Variants in POC1B observed in about 807,000 individuals in gnomAD.
The protein encoded by POC1B is POC1 centriolar protein B.
Under a neutral mutation model 60.6 loss-of-function variants are expected in POC1B, and 44 were observed. The ratio of observed to expected loss-of-function variants is 0.73; its 90% CI spans 0.57 to 0.93. The LOEUF is 0.93. POC1B is among the 40% of genes least tolerant of loss of function. The pLI, the probability that POC1B is intolerant of heterozygous loss-of-function variation, is 0.00. For missense variants in POC1B, 555 were observed against 572.3 expected, an observed-to-expected ratio of 0.97 and a Z score of 0.31; for synonymous variants, 180 against 198.9, an observed-to-expected ratio of 0.90 and a Z score of 0.80.
downstream of POC1B, among the ~76,000 whole-genome samples, chr12:89,415,143 CT>C (rs1188227371): frequency 1.3e-5 from 2 of 152,140 alleles, no homozygotes; most frequent in African/African-American, 4.8e-5. Context: ...TTGGCCAGAA[CT>C]TTGAGGTTTT....
At chr12:89,481,587 A>C (rs1364298736) in intron 4 of POC1B, among the ~76,000 whole-genome samples, 1 of 152,250 alleles carries the variant, frequency 6.6e-6, no homozygotes, top group Non-Finnish European at 1.5e-5. Flanking sequence ...AAGACAGGGT[A>C]CAAGAGAAGA....
chr12:89,485,954 AC>A (rs1868613419), intron 4 of POC1B, among the ~76,000 whole-genome samples: 1 of 152,050 alleles, frequency 6.6e-6, no homozygotes, highest in Admixed American at 6.6e-5. Flanking sequence ...GACCTTACTA[AC>A]TTCCACAATA....
chr12:89,419,538 T>C (rs966711184), downstream of POC1B, among the ~76,000 whole-genome samples: 1 of 152,120 alleles, frequency 6.6e-6, no homozygotes, highest in African/African-American at 2.4e-5. Flanking sequence ...TATGAGATTG[T>C]TAGAGATGCA....
At chr12:89,493,015 A>G (rs1296031318) in intron 3 of POC1B, among the ~76,000 whole-genome samples, 1 of 152,168 alleles carries the variant, frequency 6.6e-6, no homozygotes, top group Non-Finnish European at 1.5e-5. Context: ...CCCAGCGTAA[A>G]TGTGTCACTG....
intron 2 of POC1B, chr12:89,502,291 C>G (rs1428919286): frequency 6.2e-7 from 1 of 1,601,340 alleles, no homozygotes; most frequent in African/African-American, 1.3e-5. Flanking sequence ...CCATCACAAA[C>G]TAGTATTGCC....
intron 10 of POC1B, among the ~76,000 whole-genome samples, chr12:89,439,266 C>G (rs1000270411): frequency 2.6e-5 from 4 of 152,206 alleles, no homozygotes; most frequent in Admixed American, 2.6e-4. Flanking sequence ...CACATAACAC[C>G]TTGCCCCACT....
chr12:89,509,041 C>T (rs1032070013), intron 2 of POC1B, among the ~76,000 whole-genome samples: 2 of 152,216 alleles, frequency 1.3e-5, no homozygotes, highest in African/African-American at 2.4e-5. Context: ...AACTGTCACA[C>T]ACTAATTTTA....
chr12:89,444,784 G>C (rs1288977606), intron 10 of POC1B, among the ~76,000 whole-genome samples: 2 of 152,116 alleles, frequency 1.3e-5, no homozygotes, highest in African/African-American at 4.8e-5. Context: ...AGAAATAAAG[G>C]GTATTCAATT....
chr12:89,432,999 G>A (rs1881100907), intron 10 of POC1B, among the ~76,000 whole-genome samples: 1 of 152,208 alleles, frequency 6.6e-6, no homozygotes, highest in Admixed American at 6.5e-5. Context: ...TGAGGAAAGA[G>A]CTTCCAGGAG....
intron 2 of POC1B, chr12:89,501,379 A>G: frequency 1.9e-6 from 2 of 1,032,164 alleles, no homozygotes; most frequent in Non-Finnish European, 1.5e-6. Flanking sequence ...AAGAAAATTT[A>G]TGGCTAAACC....
chr12:89,453,972 A>G (rs1882157711), intron 10 of POC1B, among the ~76,000 whole-genome samples: 3 of 152,244 alleles, frequency 2.0e-5, no homozygotes, highest in African/African-American at 4.8e-5. Flanking sequence ...CTGATGCAAA[A>G]AAACTTTCTG....
At chr12:89,500,679 G>GTAC in intron 2 of POC1B, 1 of 1,527,470 alleles carries the variant, frequency 6.5e-7, no homozygotes, top group Non-Finnish European at 9.0e-7. Context: ...CTGCCTTCAA[G>GTAC]TACAGAGGTT....
At chr12:89,469,695 G>A (rs111866999) in intron 7 of POC1B, among the ~76,000 whole-genome samples, 3,800 of 152,156 alleles carry the variant, frequency 0.025, 73 homozygotes, top group Non-Finnish European at 0.036. Context: ...AGGGCTAAGC[G>A]GGACAGCCTC....
At chr12:89,479,572 GTTAAA>G (rs148701726) in intron 4 of POC1B, among the ~76,000 whole-genome samples, 7,225 of 151,754 alleles carry the variant, frequency 0.048, 457 homozygotes, top group East Asian at 0.31. Flanking sequence ...ATTAACCTTT[GTTAAA>G]TTAGATTATA....
rs563370202 is a variant in POC1B at position 89,443,454 on chromosome 12, C to G, written c.1113+16184G>C. Among the ~76,000 whole-genome samples the G allele has an allele frequency of 2.0e-5, 3 of 152,202 alleles. No homozygotes were observed. The East Asian group carries it at 5.8e-4, about 29-fold the overall frequency. On this transcript the variant is annotated intron_variant, in intron 10 of 11. Coordinates refer to ENST00000313546, the MANE Select transcript of POC1B (RefSeq NM_172240.3). ...AGAACTCAGGATTAAGAAACTCACT[C>G]AAAACCGCTCAACTACATGGAAACT...
chr12:89,498,405 T>C (rs1869367247), intron 2 of POC1B, among the ~76,000 whole-genome samples: 1 of 152,210 alleles, frequency 6.6e-6, no homozygotes, highest in Non-Finnish European at 1.5e-5. Context: ...ATGGCTCCAA[T>C]AATAGGAAGT....
At chr12:89,415,329 A>G (rs924860439), downstream of POC1B, among the ~76,000 whole-genome samples, 9 of 152,168 alleles carry the variant, frequency 5.9e-5, no homozygotes, top group African/African-American at 2.4e-5. Context: ...AATGGAGTCC[A>G]GAGAAACAAA....
intron 2 of POC1B, among the ~76,000 whole-genome samples, chr12:89,508,800 C>T (rs1482705806): frequency 6.6e-6 from 1 of 152,226 alleles, no homozygotes; most frequent in Non-Finnish European, 1.5e-5. Flanking sequence ...GGAGCTTCCC[C>T]ACCTTTGCTC....
chr12:89,523,487 G>T, intron 2 of POC1B: 1 of 1,612,316 alleles, frequency 6.2e-7, no homozygotes, highest in Non-Finnish European at 8.5e-7. Context: ...GAACACGGGT[G>T]GATCTCCAAT....
Sources: gnomAD v4.1 joint callset for allele counts (sites outside exome capture counted in the v4.1 genomes callset) on GRCh38, gnomAD v4.1.1 for gene constraint, MANE v1.5 for transcripts, NCBI Gene and HGNC (gene_info 2026-07-23, HGNC 2026-07-21) for gene names.